TRIM24: variants seen among roughly 807,000 people sequenced by gnomAD.
The protein encoded by TRIM24 is transcription intermediary factor 1-alpha.
A neutral mutation model predicts 123.9 loss-of-function variants in TRIM24; 29 were observed. The ratio of observed to expected loss-of-function variants is 0.23; its 90% CI spans 0.17 to 0.32. The LOEUF (loss-of-function observed/expected upper bound fraction) is 0.32, where lower values mean the gene tolerates loss of function less well. TRIM24 is among the 10% of genes least tolerant of loss of function. TRIM24 has a pLI of 1.00. For missense variants in TRIM24, 932 were observed against 1,295.3 expected, an observed-to-expected ratio of 0.72 and a Z score of 4.31; for synonymous variants, 456 against 461.1, an observed-to-expected ratio of 0.99 and a Z score of 0.14.
intron 9 of TRIM24, among the ~76,000 whole-genome samples, chr7:138,562,203 G>A (rs1330990761): frequency 2.0e-5 from 3 of 152,146 alleles, no homozygotes; most frequent in African/African-American, 7.2e-5. Flanking sequence ...TCATTTGGCG[G>A]GGTGTAGGCC....
chr7:138,523,199 A>G (rs1042207511), intron 4 of TRIM24, among the ~76,000 whole-genome samples: 11 of 152,182 alleles, frequency 7.2e-5, no homozygotes, highest in Non-Finnish European at 1.3e-4. Context: ...GGCCCAAATA[A>G]CCACTACCAG....
Position 138,585,521 on chromosome 7 carries a change from T to G in TRIM24, c.*570T>G, listed in dbSNP as rs1220552001. 1 of 335,878 alleles carries G rather than the reference T, an allele frequency of 3.0e-6. No individual in the cohort carries two copies. The highest frequency in any genetic ancestry group is 2.2e-5 in the African/African-American group (1 of 45,120). The allele number at this position is 335,878 out of a possible 1,614,324, so 20.8% of individuals were successfully genotyped here. ...CAACAGAAGGGTAGGTTAGATGCTA[T>G]TAAGAAGGCACTTAATAGTACATCA... On this transcript the variant is annotated 3_prime_UTR_variant, in exon 19 of 19. Transcript: ENST00000343526.
At chr7:138,553,570 A>C (rs1261339511) in intron 8 of TRIM24, among the ~76,000 whole-genome samples, 1 of 152,186 alleles carries the variant, frequency 6.6e-6, no homozygotes, top group Non-Finnish European at 1.5e-5. Flanking sequence ...TTAAACTCTT[A>C]AAACTAGTTT....
At chr7:138,540,022 G>A (rs767113068) in intron 7 of TRIM24, among the ~76,000 whole-genome samples, 7 of 152,074 alleles carry the variant, frequency 4.6e-5, no homozygotes, top group Admixed American at 3.3e-4. Flanking sequence ...GGATGGTCCC[G>A]ATCTCCTGAG....
At chr7:138,462,875 T>A (rs1275757979) in intron 1 of TRIM24, among the ~76,000 whole-genome samples, 2 of 148,852 alleles carry the variant, frequency 1.3e-5, no homozygotes, top group Non-Finnish European at 1.5e-5. Flanking sequence ...TTTATTTATT[T>A]ATTTTTTTTT....
intron 7 of TRIM24, among the ~76,000 whole-genome samples, chr7:138,546,299 G>A (rs117499032): frequency 0.01 from 1,576 of 152,224 alleles, 12 homozygotes; most frequent in Non-Finnish European, 0.016. Flanking sequence ...GTCATCCTGC[G>A]GAATGTAAGG....
chr7:138,505,139 G>GTCCTATT (rs1411657084), intron 2 of TRIM24, among the ~76,000 whole-genome samples: 1 of 152,086 alleles, frequency 6.6e-6, no homozygotes, highest in Admixed American at 6.5e-5. Context: ...TTAGTTAATT[G>GTCCTATT]ATCTATAAAG....
chr7:138,478,213 T>G (rs1795445703), intron 1 of TRIM24, among the ~76,000 whole-genome samples: 1 of 152,184 alleles, frequency 6.6e-6, no homozygotes, highest in Non-Finnish European at 1.5e-5. Flanking sequence ...ACCTACATTT[T>G]CCACTGTAAG....
chr7:138,536,072 C>G (rs907994417), intron 6 of TRIM24, among the ~76,000 whole-genome samples: 19 of 152,160 alleles, frequency 1.2e-4, no homozygotes, highest in African/African-American at 1.7e-4. Flanking sequence ...TCCATCGGGT[C>G]ATTTTAGGAC....
intron 7 of TRIM24, among the ~76,000 whole-genome samples, chr7:138,541,258 G>A (rs923135736): frequency 1.3e-5 from 2 of 152,002 alleles, no homozygotes; most frequent in African/African-American, 4.8e-5. Context: ...AGACCACCCT[G>A]CGCCACAGGG....
chr7:138,505,439 A>G (rs1179368602), intron 2 of TRIM24, among the ~76,000 whole-genome samples: 1 of 152,104 alleles, frequency 6.6e-6, no homozygotes, highest in African/African-American at 2.4e-5. Flanking sequence ...TAAGGTTTTT[A>G]CATTTTTAAG....
At chr7:138,509,115 AT>A (rs1215934941) in intron 2 of TRIM24, among the ~76,000 whole-genome samples, 1 of 151,364 alleles carries the variant, frequency 6.6e-6, no homozygotes, top group East Asian at 2.0e-4. Flanking sequence ...CACCCAGCTA[AT>A]TTTTTGTATT....
At chr7:138,513,848 A>G (rs1315789859) in intron 2 of TRIM24, among the ~76,000 whole-genome samples, 1 of 152,206 alleles carries the variant, frequency 6.6e-6, no homozygotes, top group African/African-American at 2.4e-5. Flanking sequence ...GTAAATAGAA[A>G]TTACTTATTT....
At chr7:138,471,153 G>C (rs561655319) in intron 1 of TRIM24, among the ~76,000 whole-genome samples, 1 of 152,308 alleles carries the variant, frequency 6.6e-6, no homozygotes, top group Non-Finnish European at 1.5e-5. Context: ...CATGCATTAA[G>C]TGTATACTGC....
chr7:138,568,413 GTC>G (rs910919263), intron 10 of TRIM24, among the ~76,000 whole-genome samples: 4 of 62,442 alleles, frequency 6.4e-5, no homozygotes, highest in Admixed American at 2.9e-4. Flanking sequence ...TTTTTTTAAA[GTC>G]TCTCTCTGTC....
intron 1 of TRIM24, among the ~76,000 whole-genome samples, chr7:138,469,436 G>GC (rs1795223121): frequency 6.6e-6 from 1 of 151,274 alleles, no homozygotes; most frequent in Non-Finnish European, 1.5e-5. Context: ...AGCCTCCCAA[G>GC]TAGCTGAGAT....
At chr7:138,534,776 T>C (rs1455058587) in intron 6 of TRIM24, among the ~76,000 whole-genome samples, 1 of 152,178 alleles carries the variant, frequency 6.6e-6, no homozygotes, top group African/African-American at 2.4e-5. Flanking sequence ...CCTTGTTAAC[T>C]TTCTGTCTTG....
rs879766555 is a variant in TRIM24, at chr7:138,587,733, G to A, written c.*2782G>A. The A allele has an allele frequency of 2.0e-5, 3 of 152,224 alleles. No homozygotes were observed. The highest frequency in any genetic ancestry group is 4.4e-5 in the Non-Finnish European group (3 of 68,060). The allele number at this position is 152,224 out of a possible 1,614,324, so 9.4% of individuals were successfully genotyped here. A position where few individuals can be genotyped will look rare whatever the true frequency, so the allele number is the denominator to read the frequency against. On this transcript the variant is annotated 3_prime_UTR_variant, in exon 19 of 19. Transcript: ENST00000343526. ...TTATGGATGAGCAGACCACGTAGGA[G>A]CTAGGATTTACTCAGTTCCACCTCA... is the stretch of plus-strand genomic sequence containing the variant.
chr7:138,510,700 A>T (rs951319088), intron 2 of TRIM24, among the ~76,000 whole-genome samples: 7 of 152,142 alleles, frequency 4.6e-5, no homozygotes, highest in African/African-American at 1.7e-4. Context: ...AAGATTACAG[A>T]TGTGAGCCAC....
Sources: gnomAD v4.1 joint callset for allele counts (sites outside exome capture counted in the v4.1 genomes callset) on GRCh38, gnomAD v4.1.1 for gene constraint, MANE v1.5 for transcripts, NCBI Gene and HGNC (gene_info 2026-07-23, HGNC 2026-07-21) for gene names.